The following NCAM2 variants were observed in gnomAD, a reference collection of about 807,000 sequenced individuals.
NCAM2 encodes the protein N-CAM-2.
In NCAM2, 30 loss-of-function variants were observed where a neutral mutation model predicts 98.1. That is an observed-to-expected ratio of 0.31 (90% CI 0.23 to 0.41). The LOEUF is 0.41. Among genes scored for constraint, NCAM2 ranks in the 10% least tolerant of loss-of-function variants. NCAM2 has a pLI of 1.00. For synonymous variants in NCAM2, 368 were observed against 342.4 expected, an observed-to-expected ratio of 1.07 and a Z score of -0.83; for missense variants, 867 against 1,005.8, an observed-to-expected ratio of 0.86 and a Z score of 1.87.
chr21:21,290,249 G>C (rs571283043), intron 4 of NCAM2: 4 of 152,032 alleles, frequency 2.6e-5, no homozygotes, highest in Admixed American at 2.6e-4. Flanking sequence ...AGGTATTTTA[G>C]AAAGTTAGAA....
intron 1 of NCAM2, among the ~76,000 whole-genome samples, chr21:21,251,747 T>TTG (rs1446284416): frequency 6.6e-6 from 1 of 151,448 alleles, no homozygotes; most frequent in Non-Finnish European, 1.5e-5. Flanking sequence ...TTTTGATGTT[T>TTG]TTTTTTTTTT....
chr21:21,098,188 A>G (rs2066164076), intron 1 of NCAM2, among the ~76,000 whole-genome samples: 4 of 151,376 alleles, frequency 2.6e-5, no homozygotes, highest in Admixed American at 6.6e-5. Context: ...GGATGAATAC[A>G]TTTATTTCAT....
intron 1 of NCAM2, among the ~76,000 whole-genome samples, chr21:21,227,746 T>A (rs964982429): frequency 4.6e-5 from 7 of 151,818 alleles, no homozygotes; most frequent in Non-Finnish European, 8.9e-5. Context: ...CAATTAATAA[T>A]TGATAGAAAA....
intron 12 of NCAM2, among the ~76,000 whole-genome samples, chr21:21,436,300 C>T (rs1291082437): frequency 2.6e-5 from 4 of 152,296 alleles, no homozygotes; most frequent in African/African-American, 9.6e-5. Context: ...ACCTTACTCA[C>T]ATTTTCCCAT....
intron 1 of NCAM2, among the ~76,000 whole-genome samples, chr21:21,236,564 AATAATT>A (rs916100085): frequency 6.6e-6 from 1 of 152,152 alleles, no homozygotes; most frequent in Non-Finnish European, 1.5e-5. Context: ...CTTCTTTTAA[AATAATT>A]ATCCTCTGAT....
At chr21:21,077,846 A>C (rs1352110097) in intron 1 of NCAM2, among the ~76,000 whole-genome samples, 1 of 152,150 alleles carries the variant, frequency 6.6e-6, no homozygotes, top group Non-Finnish European at 1.5e-5. Context: ...ACATTTACTC[A>C]ATACTCTCTC....
intron 8 of NCAM2, among the ~76,000 whole-genome samples, chr21:21,368,435 C>T (rs1301238073): frequency 6.6e-6 from 1 of 151,796 alleles, no homozygotes; most frequent in Non-Finnish European, 1.5e-5. Context: ...TCCAGTTGTT[C>T]TCCCTCCCCC....
chr21:21,116,122 A>C (rs1804627550), intron 1 of NCAM2, among the ~76,000 whole-genome samples: 1 of 152,096 alleles, frequency 6.6e-6, no homozygotes. Context: ...TATTCAGGAA[A>C]ATAAAATGTA....
At chr21:21,088,476 A>G (rs559098299) in intron 1 of NCAM2, among the ~76,000 whole-genome samples, 11 of 152,366 alleles carry the variant, frequency 7.2e-5, no homozygotes, top group Non-Finnish European at 2.9e-5. Flanking sequence ...AATTAAAAAC[A>G]TGATGCCAAT....
At chr21:21,077,104 C>T (rs1012293972) in intron 1 of NCAM2, among the ~76,000 whole-genome samples, 1 of 152,174 alleles carries the variant, frequency 6.6e-6, no homozygotes, top group Non-Finnish European at 1.5e-5. Flanking sequence ...CTCAGCTTCT[C>T]TTGTTCTTAG....
intron 1 of NCAM2, among the ~76,000 whole-genome samples, chr21:21,009,883 C>CTCTGTGTGTGTG: frequency 7.2e-6 from 1 of 139,736 alleles, no homozygotes; most frequent in South Asian, 2.4e-4. Flanking sequence ...CCTCTGATAG[C>CTCTGTGTGTGTG]TGTGTGTGTG....
Position 21,247,251 on chromosome 21 carries a change from G to A in NCAM2, c.56-33327G>A, listed in dbSNP as rs543393080. Reference sequence around the variant, plus strand: ...GGAGAATGGCGTGAACCCGGGAGGCGGAGCTTGCAGTGAGTCGAGATCTCG... The same window carrying A: ...GGAGAATGGCGTGAACCCGGGAGGCAGAGCTTGCAGTGAGTCGAGATCTCG... On this transcript the variant is annotated intron_variant, in intron 1 of 17. Coordinates refer to ENST00000400546, the MANE Select transcript of NCAM2 (RefSeq NM_004540.5). Among the ~76,000 whole-genome samples the A allele has an allele frequency of 4.7e-4, 71 of 152,126 alleles. No individual in the cohort carries two copies. The South Asian group carries it at 0.013, about 27-fold the overall frequency.
At chr21:21,132,025 G>A (rs940613117) in intron 1 of NCAM2, among the ~76,000 whole-genome samples, 4 of 152,090 alleles carry the variant, frequency 2.6e-5, no homozygotes, top group East Asian at 1.9e-4. Flanking sequence ...CTAAAATCTG[G>A]GTGTTAGCAT....
At chr21:21,167,214 C>G (rs1659880419) in intron 1 of NCAM2, among the ~76,000 whole-genome samples, 1 of 151,814 alleles carries the variant, frequency 6.6e-6, no homozygotes. Context: ...CCAGTTTTCT[C>G]TCTCTCTCTC....
At chr21:21,361,967 G>T (rs968229723) in intron 8 of NCAM2, among the ~76,000 whole-genome samples, 2 of 151,932 alleles carry the variant, frequency 1.3e-5, no homozygotes, top group African/African-American at 2.4e-5. Context: ...TACATTGTGG[G>T]GTATTGAAGC....
chr21:21,371,345 G>A (rs1359671569), intron 8 of NCAM2, among the ~76,000 whole-genome samples: 1 of 151,726 alleles, frequency 6.6e-6, no homozygotes, highest in Non-Finnish European at 1.5e-5. Flanking sequence ...TTACCTCAGA[G>A]TATTTGAAGT....
chr21:21,225,856 CA>C (rs1568797047), intron 1 of NCAM2, among the ~76,000 whole-genome samples: 1 of 151,772 alleles, frequency 6.6e-6, no homozygotes, highest in Non-Finnish European at 1.5e-5. Context: ...ATTATTCTAC[CA>C]AAAAGAAACC....
chr21:21,468,925 T>A, intron 14 of NCAM2, 142 bp downstream of exon 14: 3 of 722,624 alleles, frequency 4.2e-6, no homozygotes, highest in Non-Finnish European at 6.2e-6. Flanking sequence ...TTCCTGACAG[T>A]CATCATTGTG....
intron 1 of NCAM2, among the ~76,000 whole-genome samples, chr21:21,071,550 A>G (rs2065563234): frequency 6.6e-6 from 1 of 152,204 alleles, no homozygotes; most frequent in Non-Finnish European, 1.5e-5. Context: ...GTGAAGTTGC[A>G]GGCATTGCAT....
Sources: gnomAD v4.1 joint callset for allele counts (sites outside exome capture counted in the v4.1 genomes callset) on GRCh38, gnomAD v4.1.1 for gene constraint, MANE v1.5 for transcripts, NCBI Gene and HGNC (gene_info 2026-07-23, HGNC 2026-07-21) for gene names.